ALDH1L1: variants seen among roughly 807,000 people sequenced by gnomAD.
ALDH1L1 encodes aldehyde dehydrogenase 1 family member L1, also known as cytosolic 10-formyltetrahydrofolate dehydrogenase.
Under a neutral mutation model 101.1 loss-of-function variants are expected in ALDH1L1, and 68 were observed. That is an observed-to-expected ratio of 0.67 (90% CI 0.55 to 0.82). The LOEUF is 0.82. ALDH1L1 is among the 40% of genes least tolerant of loss of function. The pLI is 0.00. For synonymous variants in ALDH1L1, 486 were observed against 470.8 expected, an observed-to-expected ratio of 1.03 and a Z score of -0.42; for missense variants, 1,087 against 1,172.7, an observed-to-expected ratio of 0.93 and a Z score of 1.07.
chr3:126,107,966 T>A (rs528903796), intron 20 of ALDH1L1: 1 of 152,290 alleles, frequency 6.6e-6, no homozygotes, highest in African/African-American at 2.4e-5. Context: ...TTAGGAATAA[T>A]CAAGAGACTG....
intron 1 of ALDH1L1, among the ~76,000 whole-genome samples, chr3:126,178,382 AAAAAAAAAAAAAAG>A (rs1477762174): frequency 8.4e-4 from 71 of 84,088 alleles, no homozygotes; most frequent in East Asian, 3.6e-3. Context: ...CCCTGTCTCA[AAAAAAAAAAAAAAG>A]AAAAAAAAAA....
chr3:126,128,016 C>T (rs2080223079), intron 14 of ALDH1L1, among the ~76,000 whole-genome samples: 1 of 152,054 alleles, frequency 6.6e-6, no homozygotes, highest in African/African-American at 2.4e-5. Context: ...GGTGCAAGTG[C>T]TCAGTGGGGC....
chr3:126,174,107 C>T (rs76580625), intron 1 of ALDH1L1, among the ~76,000 whole-genome samples: 10,118 of 152,222 alleles, frequency 0.066, 492 homozygotes, highest in East Asian at 0.2. Context: ...GGCACGATCT[C>T]GGCTCACTGC....
At chr3:126,106,401 C>T (rs973246300) in intron 21 of ALDH1L1, among the ~76,000 whole-genome samples, 13 of 152,122 alleles carry the variant, frequency 8.5e-5, no homozygotes, top group African/African-American at 2.4e-4. Flanking sequence ...GGACGAGGCA[C>T]GATTTTGCAA....
At chr3:126,124,862 C>G (rs1209907262) in intron 15 of ALDH1L1, among the ~76,000 whole-genome samples, 1 of 152,234 alleles carries the variant, frequency 6.6e-6, no homozygotes, top group Non-Finnish European at 1.5e-5. Flanking sequence ...GCATGCCTGA[C>G]TCAGGGTAAA....
intron 1 of ALDH1L1, among the ~76,000 whole-genome samples, chr3:126,166,695 T>C (rs2081174285): frequency 6.6e-6 from 1 of 152,126 alleles, no homozygotes; most frequent in African/African-American, 2.4e-5. Context: ...AATAGTTAAG[T>C]ATATCAATGT....
intron 2 of ALDH1L1, among the ~76,000 whole-genome samples, chr3:126,158,874 C>A (rs1375846840): frequency 6.6e-6 from 1 of 152,192 alleles, no homozygotes; most frequent in African/African-American, 2.4e-5. Flanking sequence ...CTGAGTGCCT[C>A]CCTCTTCCAG....
At chr3:126,180,800 T>C, upstream of ALDH1L1, 1 of 1,515,936 alleles carries the variant, frequency 6.6e-7, no homozygotes, top group Non-Finnish European at 8.8e-7. Flanking sequence ...GAAGACTTAC[T>C]GTGGACCCTT....
intron 1 of ALDH1L1, among the ~76,000 whole-genome samples, chr3:126,196,058 A>G (rs1207818156): frequency 2.0e-5 from 3 of 152,176 alleles, no homozygotes; most frequent in Non-Finnish European, 4.4e-5. Flanking sequence ...ACATGTATAC[A>G]TATGTAACAA....
chr3:126,161,977 A>T (rs2081065591), intron 1 of ALDH1L1, among the ~76,000 whole-genome samples: 1 of 152,192 alleles, frequency 6.6e-6, no homozygotes, highest in African/African-American at 2.4e-5. Flanking sequence ...TTTTACATAA[A>T]TGGAACCATG....
intron 13 of ALDH1L1, 80 bp downstream of exon 13, chr3:126,131,304 G>A: frequency 2.1e-6 from 3 of 1,438,410 alleles, no homozygotes; most frequent in Non-Finnish European, 2.8e-6. Context: ...GCATGCAGAT[G>A]ACTGTGCTGC....
At chr3:126,127,998 G>A (rs2080222766) in intron 14 of ALDH1L1, among the ~76,000 whole-genome samples, 1 of 152,138 alleles carries the variant, frequency 6.6e-6, no homozygotes, top group East Asian at 1.9e-4. Flanking sequence ...GGCTGGAGGT[G>A]GGACACAGGT....
intron 1 of ALDH1L1, among the ~76,000 whole-genome samples, chr3:126,174,383 G>A (rs759032996): frequency 2.6e-5 from 4 of 152,184 alleles, no homozygotes; most frequent in Non-Finnish European, 4.4e-5. Flanking sequence ...GGACATAGTT[G>A]AACAGCACCA....
chr3:126,148,102 C>T (rs1241428083), intron 8 of ALDH1L1, among the ~76,000 whole-genome samples: 1 of 152,170 alleles, frequency 6.6e-6, no homozygotes, highest in African/African-American at 2.4e-5. Context: ...CTGGATGGCA[C>T]CTGCTAGCGT....
At chr3:126,161,934 G>GATAT (rs34367231) in intron 1 of ALDH1L1, among the ~76,000 whole-genome samples, 69,518 of 150,420 alleles carry the variant, frequency 0.46, 16,898 homozygotes, top group Non-Finnish European at 0.55. Context: ...GGTTTCGCTT[G>GATAT]ATATATATAT....
chr3:126,176,939 G>T (rs148202979), intron 1 of ALDH1L1, among the ~76,000 whole-genome samples: 1 of 152,226 alleles, frequency 6.6e-6, no homozygotes, highest in Non-Finnish European at 1.5e-5. Context: ...ACAGATGGCA[G>T]AGAAGCATTT....
At chr3:126,130,183 A>G in intron 14 of ALDH1L1, 40 bp downstream of exon 14, 2 of 1,561,332 alleles carry the variant, frequency 1.3e-6, no homozygotes, top group Non-Finnish European at 1.7e-6. Context: ...CTGCATGGAA[A>G]GCACCGCGAG....
At chr3:126,184,541 C>G (rs1381424728), upstream of ALDH1L1, among the ~76,000 whole-genome samples, 1 of 152,226 alleles carries the variant, frequency 6.6e-6, no homozygotes, top group Non-Finnish European at 1.5e-5. Context: ...ATAAGCCCTG[C>G]AGAGAGAGCC....
chr3:126,118,236 C>T lies in ALDH1L1; in HGVS notation c.1889-138G>A. On this transcript the variant is annotated intron_variant, in intron 16 of 22. Coordinates refer to ENST00000393434, the MANE Select transcript of ALDH1L1 (RefSeq NM_012190.4). The stretch of plus-strand genomic sequence containing the variant: ...CCCCACATGCTTGATCCCCATGGTG[C>T]CTGGGGCTCATGGAGCCTCGCTCCC... 5 of 695,372 alleles carry T rather than the reference C, an allele frequency of 7.2e-6. No homozygotes were observed. The Admixed American group carries it at 1.1e-4, about 15-fold the overall frequency. 43.1% of individuals were successfully genotyped at this position (695,372 alleles called of 1,614,324 possible).
Sources: gnomAD v4.1 joint callset for allele counts (sites outside exome capture counted in the v4.1 genomes callset) on GRCh38, gnomAD v4.1.1 for gene constraint, MANE v1.5 for transcripts, NCBI Gene and HGNC (gene_info 2026-07-23, HGNC 2026-07-21) for gene names.